The following CASC3 variants were observed in gnomAD, a reference collection of about 807,000 sequenced individuals.
CASC3 encodes the protein CASC3 exon junction complex subunit.
CASC3 carries 30 observed loss-of-function variants against 80.5 expected under a neutral mutation model. That is an observed-to-expected ratio of 0.37 (90% confidence interval 0.28 to 0.51). The LOEUF is 0.51. Among genes scored for constraint, CASC3 ranks in the 20% least tolerant of loss-of-function variants. The pLI, the probability that CASC3 is intolerant of heterozygous loss-of-function variation, is 0.94. For synonymous variants in CASC3, 312 were observed against 333.6 expected (o/e 0.94, Z 0.70); for missense variants, 824 against 922.2 (o/e 0.89, Z 1.38).
At position 40,168,409 on chromosome 17, in the gene CASC3, A is replaced by G. The variant is rs757708937; in HGVS notation, c.1957A>G (p.Asn653Asp). 3.1e-6 allele frequency: 5 copies of G among 1,613,388 alleles called. No individual in the cohort carries two copies. The highest frequency in any genetic ancestry group is 1.3e-5 in the African/African-American group (1 of 74,996). Residue 653 changes from asparagine to aspartate, a missense_variant, in exon 11 of 14, where the codon AAT becomes GAT. This residue lies in a region of CASC3 where 464 missense variants were observed against 506.0 expected (regional missense o/e 0.92). Transcript: ENST00000264645. The part of the protein sequence containing the change: ...PPPPPPHLYP[N>D]TQAPSQVYGG... Reference sequence around the variant, plus strand: ...CCCACCACCGCCTCATCTGTATCCTAATACACAGGTGAGATGGCTAATGAT... The same window carrying G: ...CCCACCACCGCCTCATCTGTATCCTGATACACAGGTGAGATGGCTAATGAT...
chr17:40,162,223 C>T, intron 5 of CASC3, 70 bp downstream of exon 5: 2 of 1,454,202 alleles, frequency 1.4e-6, no homozygotes, highest in East Asian at 2.3e-5. Context: ...CTTCGATTTG[C>T]CTGTATTTCA....
intron 2 of CASC3, 58 bp from the exon 3 acceptor site, chr17:40,141,512 A>C: frequency 6.8e-7 from 1 of 1,467,996 alleles, no homozygotes; most frequent in South Asian, 1.2e-5. Context: ...ACCTGTAATA[A>C]GCAGCCAAAA....
rs144683578 is a variant in CASC3, at chr17:40,145,250, C to T, written c.297+3643C>T. 5.2e-3 allele frequency among the ~76,000 whole-genome samples: 793 copies of T among 151,538 alleles called. 14 individuals carry two copies. The highest frequency in any genetic ancestry group is 0.018 in the African/African-American group (754 of 41,252). On this transcript the variant is annotated intron_variant, in intron 3 of 13. Transcript: ENST00000264645. ...GCGGTGGTGCAATCTCGGCTCACTG[C>T]AGCCTCCGCCCCGCCTGGTTCAAGT...
chr17:40,160,499 A>G (rs74725865), intron 3 of CASC3, among the ~76,000 whole-genome samples: 2 of 149,688 alleles, frequency 1.3e-5, no homozygotes, highest in Non-Finnish European at 3.0e-5. Context: ...TCAAAACAGA[A>G]AAAAAAAAAA....
rs764395913 is a variant in CASC3, at chr17:40,169,312, G to C, written c.1966-12G>C. The C allele has an allele frequency of 6.5e-7, 1 of 1,537,826 alleles. No individual in the cohort carries two copies. Among genetic ancestry groups the C allele is most frequent in the Non-Finnish European group, 8.7e-7 (1 of 1,144,606 alleles). ...TCCTAACTTTTTCTTCTCCTGGCTT[G>C]TGGGGTCCCAGGCCCCATCACAGGT... On this transcript the variant is annotated splice_polypyrimidine_tract_variant and intron_variant, in intron 11 of 13. Coordinates refer to ENST00000264645, the MANE Select transcript of CASC3 (RefSeq NM_007359.5).
At chr17:40,159,780 A>C (rs1325444997) in intron 3 of CASC3, among the ~76,000 whole-genome samples, 1 of 146,448 alleles carries the variant, frequency 6.8e-6, no homozygotes, top group East Asian at 2.0e-4. Flanking sequence ...CAGTGGTGCA[A>C]TCTTGGCTCA....
intron 3 of CASC3, among the ~76,000 whole-genome samples, chr17:40,159,780 A>G (rs1325444997): frequency 4.1e-5 from 6 of 146,372 alleles, no homozygotes; most frequent in Non-Finnish European, 8.9e-5. Flanking sequence ...CAGTGGTGCA[A>G]TCTTGGCTCA....
At chr17:40,167,204 C>T in intron 8 of CASC3, 1 of 509,946 alleles carries the variant, frequency 2.0e-6, no homozygotes, top group Admixed American at 3.7e-5. Flanking sequence ...CATGATCCAC[C>T]CACCCTGGCC....
At chr17:40,151,478 C>G (rs1989005508) in intron 3 of CASC3, among the ~76,000 whole-genome samples, 1 of 152,064 alleles carries the variant, frequency 6.6e-6, no homozygotes, top group Admixed American at 6.6e-5. Flanking sequence ...TCCCAAAGTG[C>G]TGGGATTACA....
At chr17:40,161,308 G>A (rs1989291520) in intron 3 of CASC3, among the ~76,000 whole-genome samples, 2 of 152,106 alleles carry the variant, frequency 1.3e-5, no homozygotes, top group African/African-American at 4.8e-5. Context: ...AGAAATATGG[G>A]TAAGAATATT....
chr17:40,163,508 A>G lies in CASC3; in HGVS notation c.813A>G (p.Pro271=). ...PRYGSPPQRD[P]NWNGERLNKS... Reference sequence around the variant, plus strand: ...ATGGGAGTCCTCCACAAAGAGATCCAAACTGGAACGGTGAGCGGCTAAACA... The same window carrying G: ...ATGGGAGTCCTCCACAAAGAGATCCGAACTGGAACGGTGAGCGGCTAAACA... The change falls in exon 7 of 14, where the codon CCA becomes CCG. Residue 271 remains proline (P), a synonymous_variant. Transcript: ENST00000264645. 6.2e-7 allele frequency: 1 copy of G among 1,613,102 alleles called. No individual in the cohort carries two copies. The highest frequency in any genetic ancestry group is 8.5e-7 in the Non-Finnish European group (1 of 1,179,570).
rs557307347 is a variant in CASC3, at chr17:40,141,863, T to TA, written c.297+258dup. Among the ~76,000 whole-genome samples, 9 of 152,338 alleles carry TA rather than the reference T, an allele frequency of 5.9e-5. No homozygotes were observed. The South Asian group carries it at 1.9e-3, about 32-fold the overall frequency. On this transcript the variant is annotated intron_variant, in intron 3 of 13. Coordinates refer to ENST00000264645, the MANE Select transcript of CASC3 (RefSeq NM_007359.5). ...TGTCTGAAGAATATGAGGTTCTAAA[T>TA]AAGAGAGTGAGGATATCTTGAAGTC...
chr17:40,163,376 C>A (rs1045990541), intron 6 of CASC3, 105 bp from the exon 7 acceptor site: 4 of 889,980 alleles, frequency 4.5e-6, no homozygotes, highest in Non-Finnish European at 6.8e-6. Context: ...CTCAAGTGAT[C>A]TGCCCGTCTC....
chr17:40,168,054 G>T (rs545297075), intron 10 of CASC3, 106 bp downstream of exon 10: 2 of 1,316,628 alleles, frequency 1.5e-6, no homozygotes, highest in South Asian at 2.5e-5. Flanking sequence ...CTGGGAGTCT[G>T]GCCATCCTGG....
Position 40,167,486 on chromosome 17 carries a change from T to A in CASC3, c.1537-12T>A. On this transcript the variant is annotated splice_polypyrimidine_tract_variant and intron_variant, in intron 8 of 13. Transcript: ENST00000264645. Reference sequence around the variant, plus strand: ...AGAATTCTTATTGTTTAGGCCTCTTTCTTTGTCTCAGGGTGTCCAGGGTGG... The same window carrying A: ...AGAATTCTTATTGTTTAGGCCTCTTACTTTGTCTCAGGGTGTCCAGGGTGG... 6.2e-7 allele frequency: 1 copy of A among 1,606,822 alleles called. No homozygotes were observed. Among genetic ancestry groups the A allele is most frequent in the Non-Finnish European group, 8.5e-7 (1 of 1,173,594 alleles).
Position 40,171,852 on chromosome 17 carries a change from A to T in CASC3, c.*1447A>T. 1 of 1,194,326 alleles carries T rather than the reference A, an allele frequency of 8.4e-7. No individual in the cohort carries two copies. The highest frequency in any genetic ancestry group is 1.1e-6 in the Non-Finnish European group (1 of 944,850). 74.0% of individuals were successfully genotyped at this position (1,194,326 alleles called of 1,614,324 possible). ...AATCACTCTGAGTCACAGGTGTGGG[A>T]TGGAGAGTGGGGAGAGGCACTTAAT... is the stretch of plus-strand genomic sequence containing the variant. On this transcript the variant is annotated 3_prime_UTR_variant, in exon 14 of 14. Transcript: ENST00000264645.
In CASC3 at chr17:40,167,496, A is replaced by C. The variant is rs199641832; in HGVS notation, c.1537-2A>C. On this transcript the variant is annotated splice_acceptor_variant, in intron 8 of 13. Transcript: ENST00000264645. LOFTEE classifies it high-confidence loss of function. The stretch of plus-strand genomic sequence containing the variant: ...TTGTTTAGGCCTCTTTCTTTGTCTC[A>C]GGGTGTCCAGGGTGGTCGAGCCAAA... 1.9e-6 allele frequency: 3 copies of C among 1,611,208 alleles called. No individual in the cohort carries two copies. Among genetic ancestry groups the C allele is most frequent in the Non-Finnish European group, 2.5e-6 (3 of 1,177,378 alleles).
In CASC3 at chr17:40,163,709, G is replaced by A. The variant is rs772561168; in HGVS notation, c.1014G>A (p.Arg338=). ...PVEAGGQHGG[R]SGETVKHEIS... Reference sequence around the variant, plus strand: ...AAGCTGGTGGGCAGCATGGTGGCCGGTCTGGTGAGACTGTTAAGCATGAGA... The same window carrying A: ...AAGCTGGTGGGCAGCATGGTGGCCGATCTGGTGAGACTGTTAAGCATGAGA... The change falls in exon 7 of 14, where the codon CGG becomes CGA. Residue 338 remains arginine (R), a synonymous_variant. Transcript: ENST00000264645. 1.9e-6 allele frequency: 3 copies of A among 1,614,114 alleles called. No individual in the cohort carries two copies. In the South Asian group the frequency reaches 3.3e-5, roughly 18 times the overall value.
intron 8 of CASC3, chr17:40,167,151 A>G (rs1042938926): frequency 4.1e-6 from 2 of 487,466 alleles, no homozygotes; most frequent in Admixed American, 3.9e-5. Flanking sequence ...TAGTAAAGAC[A>G]GGGTTTCACC....
Sources: gnomAD v4.1 joint callset for allele counts (sites outside exome capture counted in the v4.1 genomes callset) on GRCh38, gnomAD v4.1.1 for gene constraint, gnomAD v4.1.1 regional missense constraint, MANE v1.5 for transcripts, NCBI Gene and HGNC (gene_info 2026-07-23, HGNC 2026-07-21) for gene names.